PLK3: variants seen among roughly 807,000 people sequenced by gnomAD.
PLK3 encodes polo like kinase 3, also known as serine/threonine-protein kinase PLK3.
In PLK3, 41 loss-of-function variants were observed where a neutral mutation model predicts 71.6. The ratio of observed to expected loss-of-function variants is 0.57; its 90% CI spans 0.45 to 0.74. The LOEUF (loss-of-function observed/expected upper bound fraction) is 0.74. Among genes scored for constraint, PLK3 ranks in the 30% least tolerant of loss-of-function variants. PLK3 has a pLI of 0.00. For synonymous variants in PLK3, 366 were observed against 355.4 expected (o/e 1.03, Z -0.33); for missense variants, 791 against 875.6 (o/e 0.90, Z 1.22).
At chr1:44,801,470 AG>A in intron 3 of PLK3, 151 bp from the exon 4 acceptor site, 1 of 799,720 alleles carries the variant, frequency 1.3e-6, no homozygotes, top group Admixed American at 2.8e-5. Context: ...GGCCTCCCAA[AG>A]TGCTGGGATT....
At position 44,800,418 on chromosome 1, in the gene PLK3, C is replaced by T; in HGVS notation, c.-46C>T. 7.9e-7 allele frequency: 1 copy of T among 1,269,880 alleles called. No individual in the cohort carries two copies. The highest frequency in any genetic ancestry group is 9.9e-7 in the Non-Finnish European group (1 of 1,010,950). The allele number at this position is 1,269,880 out of a possible 1,614,324, so 78.7% of individuals were successfully genotyped here. On this transcript the variant is annotated 5_prime_UTR_variant, in exon 1 of 15. Coordinates refer to ENST00000372201, the MANE Select transcript of PLK3 (RefSeq NM_004073.4). The surrounding 1 kb of genome is among the most constrained non-coding windows in gnomAD (Gnocchi z 6.5). ...AGGCAGCGCCACGCGCGGCCGGGGC[C>T]GGGCGGAACCGAGAAGCCGGGACCG...
chr1:44,805,637 C>T lies in PLK3; in HGVS notation c.1900C>T (p.Arg634Cys), dbSNP rs1261268895. 8 of 1,613,914 alleles carry T rather than the reference C, an allele frequency of 5.0e-6. No individual in the cohort carries two copies. The highest frequency in any genetic ancestry group is 1.6e-4 in the Middle Eastern group (1 of 6,062). The change falls in exon 15 of 15, where the codon CGC becomes TGC. Residue 634 changes from arginine (R) to cysteine (C), a missense_variant. Physicochemically the swap from Arg to Cys is radical, Grantham distance 180. Coordinates refer to ENST00000372201, the MANE Select transcript of PLK3 (RefSeq NM_004073.4). ...CTCTCCAGACCTGCGGCAGCGACTC[C>T]GCTATGCTCTGCGCCTGCTCCGGGA... Reference protein sequence around the residue: ...GCSPDLRQRLRYALRLLRDRS... With the variant: ...GCSPDLRQRLCYALRLLRDRS...
chr1:44,801,663 G>A lies in PLK3; in HGVS notation c.477G>A (p.Glu159=). Reference sequence around the variant, plus strand: ...GGAAGGCCCGGCACACCCTGTTGGAGCCAGAAGTGCGCTACTACCTGCGGC... The same window carrying A: ...GGAAGGCCCGGCACACCCTGTTGGAACCAGAAGTGCGCTACTACCTGCGGC... The part of the protein sequence containing the change: ...HIWKARHTLL[E]PEVRYYLRQI... Residue 159 remains glutamate, a synonymous_variant, in exon 4 of 15, where the codon GAG becomes GAA. Transcript: ENST00000372201. 3 of 1,613,868 alleles carry A rather than the reference G, an allele frequency of 1.9e-6. No individual in the cohort carries two copies. Among genetic ancestry groups the A allele is most frequent in the Admixed American group, 1.7e-5 (1 of 60,000 alleles).
intron 3 of PLK3, 48 bp downstream of exon 3, chr1:44,801,200 AGTC>A: frequency 1.6e-6 from 1 of 623,572 alleles, no homozygotes; most frequent in Non-Finnish European, 2.7e-6. Context: ...GAGAGAAGAC[AGTC>A]TTTTTTTTTT....
rs747786002 is a variant in PLK3 at position 44,801,891 on chromosome 1, T to G, written c.612T>G (p.Phe204Leu). The stretch of plus-strand genomic sequence containing the variant: ...ACATGGAACTGAAGGTGGGGGATTT[T>G]GGGCTGGCAGCCCGGTTGGAGCCTC... ...TENMELKVGD[F>L]GLAARLEPPE... The change falls in exon 5 of 15, where the codon TTT (phenylalanine) becomes TTG (leucine). Residue 204 changes from phenylalanine to leucine, a missense_variant. By Grantham distance (22) the Phe-to-Leu change is conservative (BLOSUM62 0). Coordinates refer to ENST00000372201, the MANE Select transcript of PLK3 (RefSeq NM_004073.4). 11 of 1,613,736 alleles carry G rather than the reference T, an allele frequency of 6.8e-6. No homozygotes were observed. The East Asian group carries it at 8.9e-5, about 13-fold the overall frequency.
rs1161031273 is a variant in PLK3 at position 44,804,170 on chromosome 1, A to C, written c.1266A>C (p.Glu422Asp). The change falls in exon 11 of 15, where the codon GAA becomes GAC. Residue 422 changes from glutamate to aspartate, a missense_variant. Glu to Asp is a conservative substitution (Grantham distance 45). Coordinates refer to ENST00000372201, the MANE Select transcript of PLK3 (RefSeq NM_004073.4). ...GTGCCCTGTCTCCTTCAGGATTTGAAGAAGGTCTGACTGTGGCCACAGTAG... is the reference window on the plus strand; with the variant it reads ...GTGCCCTGTCTCCTTCAGGATTTGACGAAGGTCTGACTGTGGCCACAGTAG... ...GTLASSGDGFEEGLTVATVVE... is the reference protein window; with the variant it reads ...GTLASSGDGFDEGLTVATVVE... 1 of 1,613,502 alleles carries C rather than the reference A, an allele frequency of 6.2e-7. No individual in the cohort carries two copies.
In PLK3 at chr1:44,803,279, C is replaced by T. The variant is rs201126945; in HGVS notation, c.960C>T (p.Pro320=). The stretch of plus-strand genomic sequence containing the variant: ...GTTCCCCTCCCTAGGGCTACACCCC[C>T]GATCGACTCCCTATCAGCAGCTGCG... ...RHDFFTKGYT[P]DRLPISSCVT... Residue 320 remains proline, a synonymous_variant, in exon 8 of 15, where the codon CCC becomes CCT. Transcript: ENST00000372201. The surrounding 1 kb of genome is among the most constrained non-coding windows in gnomAD (Gnocchi z 4.3). The T allele has an allele frequency of 1.1e-5, 18 of 1,614,104 alleles. No homozygotes were observed. Among genetic ancestry groups the T allele is most frequent in the African/African-American group, 5.3e-5 (4 of 75,028 alleles).
Position 44,800,406 on chromosome 1 carries a change from C to T in PLK3, c.-58C>T. ...CGTAGCAAATCCAGGCAGCGCCACG[C>T]GCGGCCGGGGCCGGGCGGAACCGAG... On this transcript the variant is annotated 5_prime_UTR_variant, in exon 1 of 15. Coordinates refer to ENST00000372201, the MANE Select transcript of PLK3 (RefSeq NM_004073.4). The surrounding 1 kb of genome is among the most constrained non-coding windows in gnomAD (Gnocchi z 6.5). 3.2e-6 allele frequency: 4 copies of T among 1,245,976 alleles called. No homozygotes were observed. Among genetic ancestry groups the T allele is most frequent in the Non-Finnish European group, 4.0e-6 (4 of 996,386 alleles). The allele number at this position is 1,245,976 out of a possible 1,614,324, so 77.2% of individuals were successfully genotyped here.
Position 44,800,680 on chromosome 1 carries a change from C to G in PLK3, c.210+7C>G, listed in dbSNP as rs979934153. Reference sequence around the variant, plus strand: ...AGGCCGCTTGTTGGGCAAGGTGGGCCGAGGGACGTCCGCGGGGTGGTGATG... The same window carrying G: ...AGGCCGCTTGTTGGGCAAGGTGGGCGGAGGGACGTCCGCGGGGTGGTGATG... On this transcript the variant is annotated splice_region_variant and intron_variant, in intron 1 of 14. Transcript: ENST00000372201. This position sits in a 1 kb window ranked among gnomAD's most constrained non-coding sequence, Gnocchi z 6.5. 44 of 1,551,828 alleles carry G rather than the reference C, an allele frequency of 2.8e-5. No individual in the cohort carries two copies. The Admixed American group carries it at 8.2e-4, about 29-fold the overall frequency.
In PLK3 at chr1:44,805,626, G is replaced by C; in HGVS notation, c.1889G>C (p.Arg630Pro). ...LRQLGCSPDL[R>P]QRLRYALRLL... ...CAGCTGGGCTGCTCTCCAGACCTGC[G>C]GCAGCGACTCCGCTATGCTCTGCGC... The change falls in exon 15 of 15, where the codon CGG becomes CCG. Residue 630 changes from arginine to proline, a missense_variant. Transcript: ENST00000372201. 1 of 1,614,036 alleles carries C rather than the reference G, an allele frequency of 6.2e-7. No homozygotes were observed. The highest frequency in any genetic ancestry group is 8.5e-7 in the Non-Finnish European group (1 of 1,180,004).
In PLK3 at chr1:44,804,013, G is replaced by A. The variant is rs369476256; in HGVS notation, c.1247G>A (p.Ser416Asn). ...EDSSPRGTLASSGDGFEEGLT... is the reference protein window; with the variant it reads ...EDSSPRGTLANSGDGFEEGLT... ...AGCTCACCCCGTGGGACACTGGCAA[G>A]CAGTGGAGATGGTGAGGAGCCAGGG... The change falls in exon 10 of 15, where the codon AGC (serine) becomes AAC (asparagine). Residue 416 changes from serine (S) to asparagine (N), a missense_variant. Ser to Asn is a conservative substitution (Grantham distance 46). Coordinates refer to ENST00000372201, the MANE Select transcript of PLK3 (RefSeq NM_004073.4). 83 of 1,554,682 alleles carry A rather than the reference G, an allele frequency of 5.3e-5. No individual in the cohort carries two copies. The highest frequency in any genetic ancestry group is 7.2e-5 in the Non-Finnish European group (83 of 1,146,732).
Position 44,802,874 on chromosome 1 carries a change from G to A in PLK3, c.749+19G>A, listed in dbSNP as rs749898554. On this transcript the variant is annotated intron_variant, in intron 6 of 14. Transcript: ENST00000372201. ...GTGTCATGTGAGTTGCAGGGTCCAG[G>A]TTCAGCAGCAGACAGGTGGTGGGTG... 4 of 1,611,140 alleles carry A rather than the reference G, an allele frequency of 2.5e-6. No individual in the cohort carries two copies. The East Asian group carries it at 8.9e-5, about 36-fold the overall frequency.
At position 44,802,773 on chromosome 1, in the gene PLK3, A is replaced by T; in HGVS notation, c.667A>T (p.Thr223Ser). ...PEQRKKTICG[T>S]PNYVAPEVLL... is the part of the protein sequence containing the mutation. ...ACCCTCTTTCAGGACCATCTGTGGC[A>T]CCCCCAACTATGTGGCTCCAGAAGT... The change falls in exon 6 of 15, where the codon ACC becomes TCC. Residue 223 changes from threonine to serine, a missense_variant. By Grantham distance (58) the Thr-to-Ser change is moderately conservative. Transcript: ENST00000372201. The T allele has an allele frequency of 6.2e-7, 1 of 1,612,860 alleles. No homozygotes were observed. The highest frequency in any genetic ancestry group is 1.7e-5 in the Admixed American group (1 of 59,998).
At position 44,803,766 on chromosome 1, in the gene PLK3, A is replaced by G. The variant is rs1332181636; in HGVS notation, c.1164+75A>G. On this transcript the variant is annotated intron_variant, in intron 9 of 14. Transcript: ENST00000372201. The surrounding 1 kb of genome is among the most constrained non-coding windows in gnomAD (Gnocchi z 4.3). ...AGCTGAGGGAAGCCGGGGATAAAAGAGGCTGCTGAAGCATCCAGCCTCGTG... is the reference window on the plus strand; with the variant it reads ...AGCTGAGGGAAGCCGGGGATAAAAGGGGCTGCTGAAGCATCCAGCCTCGTG... The G allele has an allele frequency of 1.8e-5, 23 of 1,256,194 alleles. No individual in the cohort carries two copies. Among genetic ancestry groups the G allele is most frequent in the Non-Finnish European group, 2.6e-5 (23 of 875,644 alleles). 77.8% of individuals were successfully genotyped at this position (1,256,194 alleles called of 1,614,324 possible).
intron 13 of PLK3, 135 bp downstream of exon 13, chr1:44,804,914 G>T (rs1651970027): frequency 2.5e-6 from 2 of 802,908 alleles, no homozygotes; most frequent in Admixed American, 4.9e-5. Flanking sequence ...GACCATCCTG[G>T]CTAACAAGGT....
Position 44,802,783 on chromosome 1 carries a change from A to G in PLK3, c.677A>G (p.Tyr226Cys). The G allele has an allele frequency of 6.2e-7, 1 of 1,613,438 alleles. No homozygotes were observed. The highest frequency in any genetic ancestry group is 8.5e-7 in the Non-Finnish European group (1 of 1,179,752). The part of the protein sequence containing the change: ...RKKTICGTPN[Y>C]VAPEVLLRQG... ...AGGACCATCTGTGGCACCCCCAACT[A>G]TGTGGCTCCAGAAGTGCTGCTGAGA... Residue 226 changes from tyrosine to cysteine, a missense_variant, in exon 6 of 15, where the codon TAT (tyrosine) becomes TGT (cysteine). Coordinates refer to ENST00000372201, the MANE Select transcript of PLK3 (RefSeq NM_004073.4).
At chr1:44,801,809 G>A in intron 4 of PLK3, 36 bp from the exon 5 acceptor site, 1 of 1,608,516 alleles carries the variant, frequency 6.2e-7, no homozygotes. Flanking sequence ...GAGGGAGGAA[G>A]GAAAGAATCT....
intron 6 of PLK3, 37 bp downstream of exon 6, chr1:44,802,892 G>A (rs779970320): frequency 2.5e-6 from 4 of 1,607,296 alleles, no homozygotes; most frequent in Non-Finnish European, 3.4e-6. Flanking sequence ...GCAGACAGGT[G>A]GTGGGTGTGT....
chr1:44,803,827 G>A lies in PLK3; in HGVS notation c.1165-104G>A. 8.8e-7 allele frequency: 1 copy of A among 1,135,704 alleles called. No individual in the cohort carries two copies. The highest frequency in any genetic ancestry group is 1.3e-5 in the South Asian group (1 of 74,148). 70.4% of individuals were successfully genotyped at this position (1,135,704 alleles called of 1,614,324 possible). A position where few individuals can be genotyped will look rare whatever the true frequency, so the allele number is the denominator to read the frequency against. ...TGGCTGTGTGTCACCAGCCTGGCGG[G>A]GCTGACCTGGGGTGCCCTGGGAGCC... is the stretch of plus-strand genomic sequence containing the variant. On this transcript the variant is annotated intron_variant, in intron 9 of 14. Transcript: ENST00000372201. This position sits in a 1 kb window ranked among gnomAD's most constrained non-coding sequence, Gnocchi z 4.3.
Sources: gnomAD v4.1 joint callset for allele counts on GRCh38, gnomAD v4.1.1 for gene constraint, Gnocchi (gnomAD v3.1) non-coding constraint, MANE v1.5 for transcripts, NCBI Gene and HGNC (gene_info 2026-07-23, HGNC 2026-07-21) for gene names.